The following SLC25A21 variants were observed in gnomAD, a reference collection of about 807,000 sequenced individuals.
SLC25A21 encodes solute carrier family 25 member 21, also known as mitochondrial 2-oxodicarboxylate carrier.
Under a neutral mutation model 43.8 loss-of-function variants are expected in SLC25A21, and 47 were observed. That is an observed-to-expected ratio of 1.07 (90% CI 0.85 to 1.37). The LOEUF (loss-of-function observed/expected upper bound fraction) is 1.37, where lower values mean the gene tolerates loss of function less well. Among genes scored for constraint, SLC25A21 ranks in the 40% most tolerant of loss-of-function variants. The pLI is 0.00. For missense variants in SLC25A21, 352 were observed against 350.2 expected (o/e 1.00, Z -0.04); for synonymous variants, 131 against 121.3 (o/e 1.08, Z -0.52).
intron 1 of SLC25A21, among the ~76,000 whole-genome samples, chr14:37,082,768 G>GT: frequency 6.6e-6 from 1 of 152,268 alleles, no homozygotes; most frequent in Non-Finnish European, 1.5e-5. Context: ...ATCCCTTTCT[G>GT]TAGGCTCCTC....
intron 1 of SLC25A21, among the ~76,000 whole-genome samples, chr14:36,983,696 T>C (rs1960080542): frequency 6.6e-6 from 1 of 152,186 alleles, no homozygotes; most frequent in Non-Finnish European, 1.5e-5. Flanking sequence ...GAATGTTTAT[T>C]GCACCACTAT....
At chr14:37,017,299 A>C (rs567918122) in intron 1 of SLC25A21, among the ~76,000 whole-genome samples, 2 of 152,106 alleles carry the variant, frequency 1.3e-5, no homozygotes, top group Non-Finnish European at 2.9e-5. Context: ...CCTAATTTTA[A>C]TATTGTTGTG....
chr14:36,796,864 T>C (rs780122077), intron 3 of SLC25A21, among the ~76,000 whole-genome samples: 1 of 152,086 alleles, frequency 6.6e-6, no homozygotes, highest in Non-Finnish European at 1.5e-5. Context: ...CCAATGCACT[T>C]TACTTAACTG....
chr14:36,892,601 G>A lies in SLC25A21; in HGVS notation c.71-17597C>T, dbSNP rs186833461. Among the ~76,000 whole-genome samples the A allele has an allele frequency of 1.5e-3, 229 of 152,034 alleles. 8 individuals are homozygous for A. The East Asian group carries it at 0.042, about 28-fold the overall frequency. On this transcript the variant is annotated intron_variant, in intron 1 of 9. Coordinates refer to ENST00000331299, the MANE Select transcript of SLC25A21 (RefSeq NM_030631.4). ...TTAGGGTACGTGTGCACAATGTGCA[G>A]GTTAGTTACATATGTATACATGTGC...
intron 4 of SLC25A21, among the ~76,000 whole-genome samples, chr14:36,732,407 G>A (rs1467484977): frequency 6.6e-6 from 1 of 152,008 alleles, no homozygotes; most frequent in Non-Finnish European, 1.5e-5. Context: ...CGGAACCATG[G>A]TGCCGCCCAT....
At chr14:37,047,417 A>G (rs529384843) in intron 1 of SLC25A21, among the ~76,000 whole-genome samples, 1 of 152,320 alleles carries the variant, frequency 6.6e-6, no homozygotes. Context: ...TGAGAGCAAT[A>G]AGAAAAACAT....
chr14:36,748,263 G>GT (rs1885574064), intron 3 of SLC25A21, among the ~76,000 whole-genome samples: 1 of 152,200 alleles, frequency 6.6e-6, no homozygotes, highest in South Asian at 2.1e-4. Flanking sequence ...AATGTTGGCT[G>GT]AAGGCCTCCA....
intron 4 of SLC25A21, among the ~76,000 whole-genome samples, chr14:36,731,115 G>C (rs1884806151): frequency 6.6e-6 from 1 of 151,926 alleles, no homozygotes; most frequent in Non-Finnish European, 1.5e-5. Context: ...TGGGACTACA[G>C]GCGCCCGCTA....
intron 3 of SLC25A21, among the ~76,000 whole-genome samples, chr14:36,791,883 C>T (rs1336490570): frequency 2.0e-5 from 3 of 152,002 alleles, no homozygotes; most frequent in Non-Finnish European, 1.5e-5. Context: ...GAAAGAGGCA[C>T]CGGGAGGCTT....
At chr14:36,758,836 A>C (rs1290207412) in intron 3 of SLC25A21, among the ~76,000 whole-genome samples, 1 of 152,138 alleles carries the variant, frequency 6.6e-6, no homozygotes, top group East Asian at 1.9e-4. Flanking sequence ...TCCTGAAGAG[A>C]GCAGCCCAGA....
chr14:37,131,832 C>G (rs1365038986), intron 1 of SLC25A21, among the ~76,000 whole-genome samples: 4 of 152,094 alleles, frequency 2.6e-5, no homozygotes, highest in Admixed American at 2.6e-4. Flanking sequence ...TGCCACCACA[C>G]TCTGCTAATT....
At chr14:36,715,574 T>G (rs184966899) in intron 6 of SLC25A21, among the ~76,000 whole-genome samples, 10 of 152,202 alleles carry the variant, frequency 6.6e-5, no homozygotes, top group Admixed American at 6.5e-4. Flanking sequence ...GTGGGCCAAA[T>G]TGCACTCTAA....
chr14:36,871,428 T>G (rs560924211), intron 2 of SLC25A21, among the ~76,000 whole-genome samples: 5 of 152,168 alleles, frequency 3.3e-5, no homozygotes, highest in Non-Finnish European at 5.9e-5. Flanking sequence ...TTATGATATT[T>G]TGTTATAGAA....
chr14:37,129,451 C>T (rs972727293), intron 1 of SLC25A21, among the ~76,000 whole-genome samples: 1 of 152,038 alleles, frequency 6.6e-6, no homozygotes, highest in African/African-American at 2.4e-5. Flanking sequence ...CAGCAATGAT[C>T]CCGATTTACC....
chr14:36,828,542 C>T (rs1888918680), intron 2 of SLC25A21: 1 of 152,238 alleles, frequency 6.6e-6, no homozygotes, highest in Non-Finnish European at 1.5e-5. Context: ...CCCTAAATCG[C>T]ACACTGAGGA....
intron 2 of SLC25A21, among the ~76,000 whole-genome samples, chr14:36,839,930 C>T (rs1889330052): frequency 6.6e-6 from 1 of 152,142 alleles, no homozygotes; most frequent in South Asian, 2.1e-4. Context: ...GTATTATAAT[C>T]TCATGGGACC....
intron 2 of SLC25A21, among the ~76,000 whole-genome samples, chr14:36,838,079 G>A (rs535942950): frequency 2.0e-5 from 3 of 152,240 alleles, no homozygotes; most frequent in East Asian, 1.9e-4. Flanking sequence ...ATCTTGTACC[G>A]GAAACACCCA....
chr14:36,874,912 GA>G, intron 2 of SLC25A21, 43 bp downstream of exon 2: 1 of 1,549,350 alleles, frequency 6.5e-7, no homozygotes, highest in South Asian at 1.2e-5. Context: ...TCTTAATTTG[GA>G]TATTAGCCAA....
intron 7 of SLC25A21, among the ~76,000 whole-genome samples, chr14:36,691,612 G>A (rs776440338): frequency 6.6e-6 from 1 of 152,206 alleles, no homozygotes; most frequent in Non-Finnish European, 1.5e-5. Context: ...TATTGACTTT[G>A]AGAGGCCAAG....
Sources: allele counts gnomAD v4.1 joint callset (sites outside exome capture counted in the v4.1 genomes callset), GRCh38; gene constraint gnomAD v4.1.1; transcripts MANE v1.5; gene names NCBI Gene and HGNC (gene_info 2026-07-23, HGNC 2026-07-21).